Variants in DCDC2 observed in about 807,000 individuals in gnomAD.
The protein encoded by DCDC2 is doublecortin domain containing 2.
DCDC2 carries 40 observed loss-of-function variants against 50.2 expected under a neutral mutation model. The ratio of observed to expected loss-of-function variants is 0.80; its 90% CI spans 0.62 to 1.04. The LOEUF is 1.04. DCDC2 is among the 50% of genes least tolerant of loss of function. The pLI, the probability that DCDC2 is intolerant of heterozygous loss-of-function variation, is 0.00. For missense variants in DCDC2, 570 were observed against 581.9 expected, an observed-to-expected ratio of 0.98 and a Z score of 0.21; for synonymous variants, 234 against 210.6, an observed-to-expected ratio of 1.11 and a Z score of -0.96.
At chr6:24,227,016 A>C (rs1327640499) in intron 7 of DCDC2, among the ~76,000 whole-genome samples, 1 of 152,170 alleles carries the variant, frequency 6.6e-6, no homozygotes, top group East Asian at 1.9e-4. Context: ...TTGTGATATA[A>C]ATCTTAGAAC....
intron 4 of DCDC2, among the ~76,000 whole-genome samples, chr6:24,300,747 A>C (rs1159317755): frequency 6.6e-6 from 1 of 152,214 alleles, no homozygotes; most frequent in Non-Finnish European, 1.5e-5. Context: ...AGCAGTATAT[A>C]CATATACATA....
intron 7 of DCDC2, among the ~76,000 whole-genome samples, chr6:24,256,563 T>C (rs1726605937): frequency 6.6e-6 from 1 of 152,144 alleles, no homozygotes. Flanking sequence ...GCTGGGTATT[T>C]CTGCTAGTTG....
At chr6:24,209,336 T>C (rs1234451185) in intron 7 of DCDC2, among the ~76,000 whole-genome samples, 3 of 152,192 alleles carry the variant, frequency 2.0e-5, no homozygotes, top group Non-Finnish European at 4.4e-5. Flanking sequence ...ATTTAGACCA[T>C]GACAGCGTTA....
the DCDC2 span, among the ~76,000 whole-genome samples, chr6:24,372,676 A>C: frequency 6.6e-6 from 1 of 152,110 alleles, no homozygotes; most frequent in Non-Finnish European, 1.5e-5. Context: ...ACAAAAAACC[A>C]AACACCGCAT....
At chr6:24,179,363 T>G (rs1480175474) in intron 8 of DCDC2, among the ~76,000 whole-genome samples, 1 of 136,192 alleles carries the variant, frequency 7.3e-6, no homozygotes, top group Admixed American at 7.3e-5. Context: ...CTGGCTAACA[T>G]GGTGAAACCC....
chr6:24,303,327 C>G lies in DCDC2; in HGVS notation c.349-1283G>C, dbSNP rs567083753. The stretch of plus-strand genomic sequence containing the variant: ...AGGGCCAAGTGCCGCTTACTTGGTG[C>G]CCTCATCTCCTACCAACACTCCTTC... On this transcript the variant is annotated intron_variant, in intron 2 of 9. Transcript: ENST00000378454. 1.6e-3 allele frequency among the ~76,000 whole-genome samples: 241 copies of G among 152,042 alleles called. 2 individuals carry two copies. The highest frequency in any genetic ancestry group is 6.8e-3 in the Middle Eastern group (2 of 294).
chr6:24,365,637 A>T, the DCDC2 span: 31 of 152,382 alleles, frequency 2.0e-4, no homozygotes, highest in African/African-American at 7.0e-4. Flanking sequence ...ACGAGTTAAG[A>T]ACAATAAAAA....
At chr6:24,221,271 C>T (rs77553820) in intron 7 of DCDC2, among the ~76,000 whole-genome samples, 6,798 of 152,216 alleles carry the variant, frequency 0.045, 167 homozygotes, top group African/African-American at 0.056. Flanking sequence ...TCAGCCTTAA[C>T]AACACGTCCC....
Position 24,357,834 on chromosome 6 carries a change from C to T in DCDC2, c.-84G>A, listed in dbSNP as rs759867603. On this transcript the variant is annotated 5_prime_UTR_variant, in exon 1 of 10. Coordinates refer to ENST00000378454, the MANE Select transcript of DCDC2 (RefSeq NM_016356.5). ...CCCAGCGGCCTCACCGCACCCAGGGCGCGGGATCGCCTCCTGAAACGAACG... is the reference window on the plus strand; with the variant it reads ...CCCAGCGGCCTCACCGCACCCAGGGTGCGGGATCGCCTCCTGAAACGAACG... 2 of 1,599,544 alleles carry T rather than the reference C, an allele frequency of 1.3e-6. No individual in the cohort carries two copies. The highest frequency in any genetic ancestry group is 1.7e-6 in the Non-Finnish European group (2 of 1,171,770).
At chr6:24,301,667 C>T (rs770821918) in intron 4 of DCDC2, 48 bp downstream of exon 4, 3 of 1,604,692 alleles carry the variant, frequency 1.9e-6, no homozygotes, top group Non-Finnish European at 2.6e-6. Context: ...CTGAGAATAT[C>T]TTCAACAATT....
chr6:24,333,102 G>A (rs1218675423), intron 2 of DCDC2, among the ~76,000 whole-genome samples: 1 of 152,166 alleles, frequency 6.6e-6, no homozygotes, highest in South Asian at 2.1e-4. Context: ...AAAGAAGAAT[G>A]AGGGAGAATG....
intron 7 of DCDC2, among the ~76,000 whole-genome samples, chr6:24,233,847 AT>A: frequency 6.6e-6 from 1 of 152,186 alleles, no homozygotes; most frequent in East Asian, 1.9e-4. Context: ...GGATGGTGAA[AT>A]TTAGTTAGGG....
upstream of DCDC2, among the ~76,000 whole-genome samples, chr6:24,358,900 ATATAT>A (rs1354981058): frequency 1.5e-4 from 2 of 13,416 alleles, no homozygotes; most frequent in Admixed American, 1.5e-3. Context: ...TATATATATA[ATATAT>A]TATATATTAT....
chr6:24,234,964 G>A (rs940222568), intron 7 of DCDC2, among the ~76,000 whole-genome samples: 4 of 152,038 alleles, frequency 2.6e-5, no homozygotes, highest in Admixed American at 2.0e-4. Context: ...CAAAATCAAG[G>A]CCCAAAATGA....
At chr6:24,286,215 C>A (rs1259570467) in intron 6 of DCDC2, among the ~76,000 whole-genome samples, 4 of 152,110 alleles carry the variant, frequency 2.6e-5, no homozygotes, top group South Asian at 2.1e-4. Context: ...GTGAGACCTG[C>A]TCTGTTCAAG....
chr6:24,339,916 G>C (rs746648571), intron 2 of DCDC2, among the ~76,000 whole-genome samples: 1 of 152,174 alleles, frequency 6.6e-6, no homozygotes, highest in Non-Finnish European at 1.5e-5. Flanking sequence ...AGAGCAAAGG[G>C]AATTCCTAAA....
intron 7 of DCDC2, among the ~76,000 whole-genome samples, chr6:24,267,985 C>T (rs748371072): frequency 5.3e-5 from 8 of 152,176 alleles, no homozygotes; most frequent in Admixed American, 1.3e-4. Flanking sequence ...AGTACCCCAA[C>T]GCTTCTCAAG....
chr6:24,290,225 C>G (rs1296716153), intron 5 of DCDC2, among the ~76,000 whole-genome samples: 1 of 151,388 alleles, frequency 6.6e-6, no homozygotes, highest in Non-Finnish European at 1.5e-5. Context: ...GATCTCCTGA[C>G]CTCGTGATCC....
intron 7 of DCDC2, among the ~76,000 whole-genome samples, chr6:24,229,924 T>C (rs907764122): frequency 5.3e-5 from 8 of 152,150 alleles, no homozygotes; most frequent in African/African-American, 7.2e-5. Flanking sequence ...GAGAGACCCA[T>C]GGTTTGGCCA....
Sources: gnomAD v4.1 joint callset for allele counts (sites outside exome capture counted in the v4.1 genomes callset) on GRCh38, gnomAD v4.1.1 for gene constraint, MANE v1.5 for transcripts, NCBI Gene and HGNC (gene_info 2026-07-23, HGNC 2026-07-21) for gene names.